Variants in HDGFL3 observed in about 807,000 individuals in gnomAD.
HDGFL3 encodes the protein HDGF like 3, also known as hepatoma-derived growth factor-related protein 3.
In HDGFL3, 6 loss-of-function variants were observed where a neutral mutation model predicts 27.6. The ratio of observed to expected loss-of-function variants is 0.22; its 90% CI spans 0.12 to 0.43. The LOEUF (loss-of-function observed/expected upper bound fraction) is 0.43. HDGFL3 is among the 20% of genes least tolerant of loss of function. HDGFL3 has a pLI of 1.00. For missense variants in HDGFL3, 207 were observed against 250.1 expected, an observed-to-expected ratio of 0.83 and a Z score of 1.16; for synonymous variants, 88 against 88.9, an observed-to-expected ratio of 0.99 and a Z score of 0.05.
chr15:83,116,115 G>C (rs1355720550), intron 3 of HDGFL3, among the ~76,000 whole-genome samples: 1 of 152,196 alleles, frequency 6.6e-6, no homozygotes, highest in Non-Finnish European at 1.5e-5. Flanking sequence ...CAGAAAGGAC[G>C]GTTAGATCAC....
intron 1 of HDGFL3, among the ~76,000 whole-genome samples, chr15:83,193,269 G>C (rs1483337532): frequency 2.6e-5 from 4 of 152,064 alleles, no homozygotes; most frequent in Non-Finnish European, 5.9e-5. Flanking sequence ...TTAAAAAATG[G>C]GTGAAGGACA....
Position 83,129,706 on chromosome 15 carries a change from G to A in HDGFL3, c.*9564C>T, listed in dbSNP as rs960390712. 2.0e-5 allele frequency: 3 copies of A among 152,278 alleles called. No individual in the cohort carries two copies. The highest frequency in any genetic ancestry group is 7.2e-5 in the African/African-American group (3 of 41,442). 9.4% of individuals were successfully genotyped at this position (152,278 alleles called of 1,614,324 possible). Reference sequence around the variant, plus strand: ...CACAAAAGACTGTATGTAGTACGAGGTGCTGGAGAACCTTGTGGGTGGAAG... The same window carrying A: ...CACAAAAGACTGTATGTAGTACGAGATGCTGGAGAACCTTGTGGGTGGAAG... On this transcript the variant is annotated 3_prime_UTR_variant, in exon 6 of 6. Coordinates refer to ENST00000299633, the MANE Select transcript of HDGFL3 (RefSeq NM_016073.4).
chr15:83,183,160 G>T (rs575526820), intron 1 of HDGFL3, among the ~76,000 whole-genome samples: 48 of 152,270 alleles, frequency 3.2e-4, no homozygotes, highest in Non-Finnish European at 5.6e-4. Context: ...AGCCGAGGTT[G>T]ATTTTTAAAA....
chr15:83,146,610 A>G (rs1213646695), intron 5 of HDGFL3, among the ~76,000 whole-genome samples: 2 of 152,030 alleles, frequency 1.3e-5, no homozygotes, highest in African/African-American at 4.8e-5. Flanking sequence ...CTGGCCTCTA[A>G]TCTTCTTTAC....
At chr15:83,175,626 G>A (rs1325367047) in intron 1 of HDGFL3, among the ~76,000 whole-genome samples, 4 of 152,192 alleles carry the variant, frequency 2.6e-5, no homozygotes, top group African/African-American at 7.2e-5. Flanking sequence ...TTGGAAGGCC[G>A]AGGTGGGTGG....
chr15:83,171,046 G>T (rs1406570072), intron 1 of HDGFL3, among the ~76,000 whole-genome samples: 1 of 151,962 alleles, frequency 6.6e-6, no homozygotes, highest in African/African-American at 2.4e-5. Flanking sequence ...AGTCATAATG[G>T]CTACTATTTT....
In HDGFL3 at chr15:83,198,054, C is replaced by CAAAAAAAAAAAAAAA. The variant is rs766372255; in HGVS notation, c.84+9262_84+9276dup. On this transcript the variant is annotated intron_variant, in intron 1 of 5. Transcript: ENST00000299633. Reference sequence around the variant, plus strand: ...GGGGTGACAGAGAGAGACTCCGTCTCAAAAAAAAAAAAAAAAAAAAGAAGC... The same window carrying CAAAAAAAAAAAAAAA: ...GGGGTGACAGAGAGAGACTCCGTCTCAAAAAAAAAAAAAAAAAAAAAAAAAAAAAAAAAAAGAAGC... 3.3e-3 allele frequency among the ~76,000 whole-genome samples: 187 copies of CAAAAAAAAAAAAAAA among 57,538 alleles called. 15 individuals carry two copies. Among genetic ancestry groups the CAAAAAAAAAAAAAAA allele is most frequent in the African/African-American group, 9.9e-3 (103 of 10,442 alleles). 37.7% of individuals were successfully genotyped at this position (57,538 alleles called of 152,430 possible).
intron 1 of HDGFL3, among the ~76,000 whole-genome samples, chr15:83,167,180 T>A (rs1308557437): frequency 2.0e-5 from 3 of 152,162 alleles, no homozygotes; most frequent in Non-Finnish European, 4.4e-5. Flanking sequence ...TGGAAAAAGA[T>A]CTACCATGTG....
chr15:83,117,936 A>G lies in HDGFL3; in HGVS notation c.394-2195T>C, dbSNP rs2034826326. ...GGCTAGACCTAATGCTGTGAAGAAGAGGGAGAATTGCCGGGGTGACATCGT... is the reference window on the plus strand; with the variant it reads ...GGCTAGACCTAATGCTGTGAAGAAGGGGGAGAATTGCCGGGGTGACATCGT... On this transcript the variant is annotated intron_variant, in intron 3 of 3. Coordinates refer to the HDGFL3 transcript ENST00000568294. 2.0e-5 allele frequency among the ~76,000 whole-genome samples: 3 copies of G among 152,222 alleles called. No homozygotes were observed. The South Asian group carries it at 6.2e-4, about 32-fold the overall frequency.
intron 1 of HDGFL3, among the ~76,000 whole-genome samples, chr15:83,183,958 T>C (rs962783097): frequency 6.6e-6 from 1 of 152,156 alleles, no homozygotes; most frequent in African/African-American, 2.4e-5. Context: ...AGATTTTATA[T>C]ATTTCATTTT....
At chr15:83,192,481 T>C (rs1283509724) in intron 1 of HDGFL3, among the ~76,000 whole-genome samples, 1 of 152,202 alleles carries the variant, frequency 6.6e-6, no homozygotes, top group Non-Finnish European at 1.5e-5. Flanking sequence ...ACATTAATTT[T>C]TGATGAGTCA....
chr15:83,119,093 C>T (rs991002884), intron 3 of HDGFL3, among the ~76,000 whole-genome samples: 11 of 152,180 alleles, frequency 7.2e-5, no homozygotes, highest in Non-Finnish European at 1.2e-4. Context: ...CGGTGCCTGC[C>T]TGCCTATGTG....
rs1418976018 is a variant in HDGFL3, at chr15:83,146,214, G to A, written c.606+5001C>T. Among the ~76,000 whole-genome samples, 3 of 151,930 alleles carry A rather than the reference G, an allele frequency of 2.0e-5. No individual in the cohort carries two copies. In the East Asian group the frequency reaches 5.8e-4, roughly 29 times the overall value. On this transcript the variant is annotated intron_variant, in intron 5 of 5. Transcript: ENST00000299633. Reference sequence around the variant, plus strand: ...TAAAACAAGTGATTCACAACCACTGGGAGTAACTGTAAATACTGTCTTAAG... The same window carrying A: ...TAAAACAAGTGATTCACAACCACTGAGAGTAACTGTAAATACTGTCTTAAG...
rs189282517 is a variant in HDGFL3 at position 83,120,076 on chromosome 15, G to A, written c.394-4335C>T. ...CAGGCACAGCTCTGCGGCTTGGCTC[G>A]CACTAAGGCTTGGCTACATGGCTTG... On this transcript the variant is annotated intron_variant, in intron 3 of 3. Coordinates refer to the HDGFL3 transcript ENST00000568294. 3.5e-5 allele frequency: 7 copies of A among 197,190 alleles called. No individual in the cohort carries two copies. In the East Asian group the frequency reaches 8.6e-4, roughly 24 times the overall value. 12.2% of individuals were successfully genotyped at this position (197,190 alleles called of 1,614,324 possible).
chr15:83,119,169 A>G (rs949385202), intron 3 of HDGFL3, among the ~76,000 whole-genome samples: 4 of 152,204 alleles, frequency 2.6e-5, no homozygotes, highest in Non-Finnish European at 5.9e-5. Flanking sequence ...AGCATGAATT[A>G]TTAAGGCCAG....
Position 83,133,271 on chromosome 15 carries a change from C to A in HDGFL3, c.*5999G>T, listed in dbSNP as rs570227342. On this transcript the variant is annotated 3_prime_UTR_variant, in exon 6 of 6. Transcript: ENST00000299633. ...TATTTATACTGTATTAGCAAAAGAC[C>A]CTGGCTATCATCCCAATGGTCACCT... 2 of 152,284 alleles carry A rather than the reference C, an allele frequency of 1.3e-5. No homozygotes were observed. Among genetic ancestry groups the A allele is most frequent in the South Asian group, 4.1e-4 (2 of 4,828 alleles). The allele number at this position is 152,284 out of a possible 1,614,324, so 9.4% of individuals were successfully genotyped here.
rs544476009 is a variant in HDGFL3, at chr15:83,120,606, T to A, written c.394-4865A>T. ...CTAATTCTTTTTTTTTTTTTTTTTT[T>A]TTGAGACAGGCTGGAGTGCAATGGC... On this transcript the variant is annotated intron_variant, in intron 3 of 3. Coordinates refer to the HDGFL3 transcript ENST00000568294. Among the ~76,000 whole-genome samples, 37 of 151,496 alleles carry A rather than the reference T, an allele frequency of 2.4e-4. 1 individual carries two copies. The South Asian group carries it at 7.4e-3, about 30-fold the overall frequency.
At position 83,207,330 on chromosome 15, in the gene HDGFL3, C is replaced by A; in HGVS notation, c.84+1G>T. On this transcript the variant is annotated splice_donor_variant, in intron 1 of 5. Coordinates refer to ENST00000299633, the MANE Select transcript of HDGFL3 (RefSeq NM_016073.4). LOFTEE classifies it high-confidence loss of function. This position sits in a 1 kb window ranked among gnomAD's most constrained non-coding sequence, Gnocchi z 4.8. ...GGCCCGCGCGCGGCCGCGGTACTCA[C>A]CCGGGCCGGCCAGTGCGGGTAGCCC... 7.2e-7 allele frequency: 1 copy of A among 1,388,100 alleles called. No homozygotes were observed. The highest frequency in any genetic ancestry group is 9.4e-7 in the Non-Finnish European group (1 of 1,066,712). The allele number at this position is 1,388,100 out of a possible 1,614,324, so 86.0% of individuals were successfully genotyped here. A position where few individuals can be genotyped will look rare whatever the true frequency, so the allele number is the denominator to read the frequency against.
intron 1 of HDGFL3, among the ~76,000 whole-genome samples, chr15:83,195,546 A>AT (rs2037559427): frequency 1.3e-5 from 2 of 152,022 alleles, no homozygotes; most frequent in African/African-American, 4.8e-5. Context: ...TGTCTTATTA[A>AT]TTTTTATAAT....
Sources: gnomAD v4.1 joint callset for allele counts (sites outside exome capture counted in the v4.1 genomes callset) on GRCh38, gnomAD v4.1.1 for gene constraint, Gnocchi (gnomAD v3.1) non-coding constraint, MANE v1.5 for transcripts, NCBI Gene and HGNC (gene_info 2026-07-23, HGNC 2026-07-21) for gene names.